The following ZNF782 variants were observed in gnomAD, a reference collection of about 807,000 sequenced individuals.
ZNF782 encodes zinc finger protein 782.
A neutral mutation model predicts 13.0 loss-of-function variants in ZNF782; 12 were observed. That is an observed-to-expected ratio of 0.92 (90% CI 0.59 to 1.50). The LOEUF is 1.50. Ranked by LOEUF, ZNF782 falls within the 40% of genes most tolerant of loss-of-function variation. ZNF782 has a pLI of 0.00. For missense variants in ZNF782, 770 were observed against 822.9 expected (o/e 0.94, Z 0.79); for synonymous variants, 284 against 283.0 (o/e 1.00, Z -0.04).
chr9:96,827,957 G>C (rs1415480138), intron 4 of ZNF782, among the ~76,000 whole-genome samples: 3 of 152,156 alleles, frequency 2.0e-5, no homozygotes, highest in Non-Finnish European at 2.9e-5. Context: ...TGGCAGACTT[G>C]GCAAGCTGAT....
Position 96,827,116 on chromosome 9 carries a change from C to T in ZNF782, c.208G>A (p.Glu70Lys), listed in dbSNP as rs762805973. 6.2e-7 allele frequency: 1 copy of T among 1,612,390 alleles called. No individual in the cohort carries two copies. Among genetic ancestry groups the T allele is most frequent in the Non-Finnish European group, 8.5e-7 (1 of 1,179,364 alleles). The change falls in exon 5 of 6, where the codon GAG (glutamate) becomes AAG (lysine). Residue 70 changes from glutamate to lysine, a missense_variant. Glu to Lys is a moderately conservative substitution (Grantham distance 56, BLOSUM62 1). Transcript: ENST00000481138. ...CTGCTTAGAAATCCTTTCTCTTTCT[C>T]TAATAACCATGGATCTTCTCCTTGT... is the stretch of plus-strand genomic sequence containing the variant. ...LEQGEDPWLL[E>K]KEKGFLSRNS... is the part of the protein sequence containing the mutation.
rs1850190744 is a variant in ZNF782, at chr9:96,816,933, G to T, written c.*990C>A. On this transcript the variant is annotated 3_prime_UTR_variant, in exon 6 of 6. Transcript: ENST00000481138. Reference sequence around the variant, plus strand: ...ATGTCCTGAAAAATCATACTCCTAAGTTTTATTATGTGAGGGTTGTTGAGT... The same window carrying T: ...ATGTCCTGAAAAATCATACTCCTAATTTTTATTATGTGAGGGTTGTTGAGT... 6.6e-6 allele frequency: 1 copy of T among 152,154 alleles called. No individual in the cohort carries two copies. The highest frequency in any genetic ancestry group is 1.5e-5 in the Non-Finnish European group (1 of 68,028). 9.4% of individuals were successfully genotyped at this position (152,154 alleles called of 1,614,324 possible).
At chr9:96,887,336 A>AGGAAGGAAGGAAGGAG in the ZNF782 span, 1 of 146,098 alleles carries the variant, frequency 6.8e-6, no homozygotes, top group African/African-American at 2.5e-5. Flanking sequence ...GAAGGAAGGA[A>AGGAAGGAAGGAAGGAG]GGAAGAAAGA....
the ZNF782 span, among the ~76,000 whole-genome samples, chr9:96,904,335 C>G: frequency 1.1e-5 from 1 of 88,394 alleles, no homozygotes; most frequent in South Asian, 4.3e-4. Context: ...TGGTCTGGAA[C>G]TCCTGAGCTC....
intron 5 of ZNF782, among the ~76,000 whole-genome samples, chr9:96,826,244 T>C (rs1188128753): frequency 6.6e-6 from 1 of 152,228 alleles, no homozygotes; most frequent in East Asian, 1.9e-4. Flanking sequence ...TTCATGTCCT[T>C]TGTAGGGACA....
intron 1 of ZNF782, among the ~76,000 whole-genome samples, chr9:96,874,604 C>G (rs1851870515): frequency 6.6e-6 from 1 of 152,190 alleles, no homozygotes; most frequent in Non-Finnish European, 1.5e-5. Context: ...TCACCAGATC[C>G]AGCTCATTCT....
At chr9:96,824,574 G>A (rs2118402551) in intron 5 of ZNF782, among the ~76,000 whole-genome samples, 1 of 148,026 alleles carries the variant, frequency 6.8e-6, no homozygotes, top group Non-Finnish European at 1.5e-5. Context: ...GCAGGAGAAG[G>A]AAATAAAGGG....
the ZNF782 span, among the ~76,000 whole-genome samples, chr9:96,916,722 C>T: frequency 6.6e-6 from 1 of 151,510 alleles, no homozygotes; most frequent in Non-Finnish European, 1.5e-5. Flanking sequence ...GGGCTCATCC[C>T]ACTCACCTAG....
the ZNF782 span, among the ~76,000 whole-genome samples, chr9:96,905,723 C>T: frequency 3.9e-5 from 6 of 152,352 alleles, no homozygotes; most frequent in Non-Finnish European, 7.3e-5. Flanking sequence ...GCAGCTGGGA[C>T]TACAGACATG....
chr9:96,876,943 C>CAAAAAAAA (rs398011569), upstream of ZNF782, among the ~76,000 whole-genome samples: 445 of 42,814 alleles, frequency 0.01, 1 homozygote, highest in Non-Finnish European at 0.014. Context: ...AACTCCGACT[C>CAAAAAAAA]AAAAAAAAAA....
intron 5 of ZNF782, among the ~76,000 whole-genome samples, chr9:96,820,845 C>T (rs983950690): frequency 5.3e-5 from 8 of 152,150 alleles, no homozygotes; most frequent in Admixed American, 1.3e-4. Context: ...CCACCACATC[C>T]GGCCAATAGT....
chr9:96,862,324 C>G (rs530652586), intron 1 of ZNF782, among the ~76,000 whole-genome samples: 1 of 152,162 alleles, frequency 6.6e-6, no homozygotes, highest in African/African-American at 2.4e-5. Context: ...AACAGGTTGA[C>G]TACTGTCAAT....
intron 4 of ZNF782, among the ~76,000 whole-genome samples, chr9:96,834,643 G>A (rs1464128479): frequency 6.6e-6 from 1 of 152,206 alleles, no homozygotes; most frequent in East Asian, 1.9e-4. Context: ...ACCCGATGAA[G>A]CTGTCCAATT....
At chr9:96,882,451 G>T in the ZNF782 span, among the ~76,000 whole-genome samples, 2 of 152,022 alleles carry the variant, frequency 1.3e-5, 1 homozygote, top group East Asian at 3.8e-4. Context: ...TTTTAAAATA[G>T]TAGGCTTCCT....
chr9:96,932,625 C>G, the ZNF782 span, among the ~76,000 whole-genome samples: 2 of 152,066 alleles, frequency 1.3e-5, no homozygotes, highest in Non-Finnish European at 2.9e-5. Context: ...CTGCCTGTCA[C>G]TGTCCCGTGA....
chr9:96,818,015 CT>C lies in ZNF782; in HGVS notation c.2007del (p.Glu671ArgfsTer41), dbSNP rs1299506187. On this transcript the variant is annotated frameshift_variant, in exon 6 of 6. Transcript: ENST00000481138. LOFTEE classifies it low-confidence loss of function (END_TRUNC). ...TTATCACATTTATAGGGTTTCTCCC[CT>C]GTGTGAGTTCTCTGATGTACTCTGA... is the stretch of plus-strand genomic sequence containing the variant. ...SNLRVHQRTH[T>X]GEKPYKCDKC... 1 of 1,613,436 alleles carries C rather than the reference CT, an allele frequency of 6.2e-7. No homozygotes were observed. Among genetic ancestry groups the C allele is most frequent in the African/African-American group, 1.3e-5 (1 of 74,918 alleles).
At chr9:96,868,545 A>C (rs576726741) in intron 1 of ZNF782, among the ~76,000 whole-genome samples, 60 of 152,362 alleles carry the variant, frequency 3.9e-4, no homozygotes, top group African/African-American at 1.3e-3. Context: ...AGAAATGAAA[A>C]AGCTGAAGGC....
the ZNF782 span, among the ~76,000 whole-genome samples, chr9:96,925,215 G>A: frequency 6.6e-6 from 1 of 152,118 alleles, no homozygotes; most frequent in Non-Finnish European, 1.5e-5. Flanking sequence ...AGGCGCGCGG[G>A]GCAGGCGTGG....
chr9:96,894,207 G>A, the ZNF782 span: 3 of 152,060 alleles, frequency 2.0e-5, no homozygotes, highest in African/African-American at 7.3e-5. Context: ...ATGGGAAGAG[G>A]GGGGAAGGAT....
Sources: gnomAD v4.1 joint callset for allele counts (sites outside exome capture counted in the v4.1 genomes callset) on GRCh38, gnomAD v4.1.1 for gene constraint, MANE v1.5 for transcripts, NCBI Gene and HGNC (gene_info 2026-07-23, HGNC 2026-07-21) for gene names.